Variants in OTULINL observed in about 807,000 individuals in gnomAD.
The protein encoded by OTULINL is inactive ubiquitin thioesterase OTULINL.
In OTULINL, 42 loss-of-function variants were observed where a neutral mutation model predicts 43.9. The observed-to-expected ratio is 0.96, with a 90% CI of 0.75 to 1.24. OTULINL has a LOEUF of 1.24. OTULINL is among the 50% of genes most tolerant of loss of function. The probability of loss-of-function intolerance (pLI) is 0.00; values close to 1 mark genes in which losing one functional copy is unlikely to be tolerated. For synonymous variants in OTULINL, 172 were observed against 153.6 expected (o/e 1.12, Z -0.88); for missense variants, 411 against 426.4 (o/e 0.96, Z 0.32).
intron 1 of OTULINL, among the ~76,000 whole-genome samples, chr5:14,599,832 CTT>C (rs1209017867): frequency 6.6e-6 from 1 of 152,186 alleles, no homozygotes; most frequent in Non-Finnish European, 1.5e-5. Flanking sequence ...TTAGTTTTCT[CTT>C]TTGTCAAATC....
intron 1 of OTULINL, among the ~76,000 whole-genome samples, chr5:14,589,232 G>T (rs1314097030): frequency 6.6e-6 from 1 of 152,184 alleles, no homozygotes; most frequent in Non-Finnish European, 1.5e-5. Context: ...GACACCGTGT[G>T]CTATGAGAGA....
Position 14,613,081 on chromosome 5 carries a change from CT to C in OTULINL, c.*2768del, listed in dbSNP as rs1400326239. ...GGGATTACAGGTGCCCACCACTACG[CT>C]CGACTAATTTTTTGTGTTTTTAGTA... On this transcript the variant is annotated 3_prime_UTR_variant, in exon 8 of 8. Transcript: ENST00000274217. 6.6e-6 allele frequency among the ~76,000 whole-genome samples: 1 copy of C among 152,156 alleles called. No individual in the cohort carries two copies. Among genetic ancestry groups the C allele is most frequent in the African/African-American group, 2.4e-5 (1 of 41,424 alleles).
Position 14,616,059 on chromosome 5 carries a change from T to C in OTULINL, c.*5745T>C, listed in dbSNP as rs1250132981. Among the ~76,000 whole-genome samples, 3 of 152,258 alleles carry C rather than the reference T, an allele frequency of 2.0e-5. No individual in the cohort carries two copies. Among genetic ancestry groups the C allele is most frequent in the Non-Finnish European group, 4.4e-5 (3 of 68,042 alleles). ...AATCCTTTGCAGGTTGGTAGTTTTA[T>C]AAATACGATAAAAATATAGCACCAA... On this transcript the variant is annotated 3_prime_UTR_variant, in exon 8 of 8. Coordinates refer to ENST00000274217, the MANE Select transcript of OTULINL (RefSeq NM_019018.3).
intron 1 of OTULINL, among the ~76,000 whole-genome samples, chr5:14,582,762 C>T (rs1312254821): frequency 7.0e-6 from 1 of 143,634 alleles, no homozygotes; most frequent in Non-Finnish European, 1.5e-5. Context: ...TTGCAGTGAG[C>T]CGAGATTGCA....
At chr5:14,597,648 CTAA>C (rs1417159963) in intron 1 of OTULINL, among the ~76,000 whole-genome samples, 11 of 152,238 alleles carry the variant, frequency 7.2e-5, no homozygotes, top group Non-Finnish European at 1.5e-5. Context: ...AGGCTCACTC[CTAA>C]TGTCATCAGT....
In OTULINL at chr5:14,611,287, G is replaced by A. The variant is rs1759577237; in HGVS notation, c.*973G>A. 6.6e-6 allele frequency: 1 copy of A among 152,236 alleles called. No individual in the cohort carries two copies. The highest frequency in any genetic ancestry group is 1.5e-5 in the Non-Finnish European group (1 of 68,052). 9.4% of individuals were successfully genotyped at this position (152,236 alleles called of 1,614,324 possible). A position where few individuals can be genotyped will look rare whatever the true frequency, so the allele number is the denominator to read the frequency against. ...AGGGAGATTTTTCTAGATTCTCCAG[G>A]TGGACGCAGTGTAATCAGAATGGTT... On this transcript the variant is annotated 3_prime_UTR_variant, in exon 8 of 8. Coordinates refer to ENST00000274217, the MANE Select transcript of OTULINL (RefSeq NM_019018.3).
intron 1 of OTULINL, among the ~76,000 whole-genome samples, chr5:14,583,047 AAC>A (rs1759042775): frequency 6.6e-6 from 1 of 152,172 alleles, no homozygotes; most frequent in African/African-American, 2.4e-5. Flanking sequence ...CCGTTTCCCA[AAC>A]ACACAGTTTG....
intron 1 of OTULINL, among the ~76,000 whole-genome samples, chr5:14,582,505 C>T (rs941724755): frequency 2.0e-5 from 3 of 151,878 alleles, no homozygotes; most frequent in African/African-American, 7.3e-5. Flanking sequence ...AAAAAATTCA[C>T]CCAGACGGGG....
chr5:14,607,547 T>A (rs1759504447), intron 6 of OTULINL, 89 bp downstream of exon 6: 1 of 1,508,448 alleles, frequency 6.6e-7, no homozygotes, highest in Non-Finnish European at 9.0e-7. Flanking sequence ...GGGACATTGC[T>A]TCATGTTAGG....
In OTULINL at chr5:14,615,856, T is replaced by C. The variant is rs1273095134; in HGVS notation, c.*5542T>C. ...TAGTAGTTGCAGTTGAGACCATTCC[T>C]CCTGTATGTCTTTACAAGCAAATTG... On this transcript the variant is annotated 3_prime_UTR_variant, in exon 8 of 8. Transcript: ENST00000274217. Among the ~76,000 whole-genome samples, 1 of 152,232 alleles carries C rather than the reference T, an allele frequency of 6.6e-6. No individual in the cohort carries two copies. Among genetic ancestry groups the C allele is most frequent in the Non-Finnish European group, 1.5e-5 (1 of 68,040 alleles).
rs1159876790 is a variant in OTULINL, at chr5:14,615,792, C to A, written c.*5478C>A. Among the ~76,000 whole-genome samples, 2 of 152,178 alleles carry A rather than the reference C, an allele frequency of 1.3e-5. No homozygotes were observed. Among genetic ancestry groups the A allele is most frequent in the Non-Finnish European group, 2.9e-5 (2 of 68,022 alleles). ...ATTTGGTGTGTATTTCACAGGGTAA[C>A]AATGAAGTGCTCCAATCTGCTTGTG... On this transcript the variant is annotated 3_prime_UTR_variant, in exon 8 of 8. Transcript: ENST00000274217.
Position 14,593,021 on chromosome 5 carries a change from G to A in OTULINL, c.65-7944G>A, listed in dbSNP as rs114154580. Among the ~76,000 whole-genome samples, 969 of 152,246 alleles carry A rather than the reference G, an allele frequency of 6.4e-3. 17 individuals are homozygous for A. The highest frequency in any genetic ancestry group is 0.022 in the African/African-American group (903 of 41,532). On this transcript the variant is annotated intron_variant, in intron 1 of 7. Coordinates refer to ENST00000274217, the MANE Select transcript of OTULINL (RefSeq NM_019018.3). ...GACCTGCATTCCTTTCCTCTGGAGC[G>A]TTGCCTCAGTGGTGCTCTGTTCCCA... is the stretch of plus-strand genomic sequence containing the variant.
rs938878570 is a variant in OTULINL, at chr5:14,611,796, A to G, written c.*1482A>G. 3.3e-5 allele frequency: 5 copies of G among 152,206 alleles called. No individual in the cohort carries two copies. Among genetic ancestry groups the G allele is most frequent in the African/African-American group, 1.2e-4 (5 of 41,446 alleles). The allele number at this position is 152,206 out of a possible 1,614,324, so 9.4% of individuals were successfully genotyped here. A position where few individuals can be genotyped will look rare whatever the true frequency, so the allele number is the denominator to read the frequency against. On this transcript the variant is annotated 3_prime_UTR_variant, in exon 8 of 8. Coordinates refer to ENST00000274217, the MANE Select transcript of OTULINL (RefSeq NM_019018.3). ...TCTTGCTAATTATATATTACTTCAA[A>G]GTCACAAATCCCTTTCTAAGAATGA... is the stretch of plus-strand genomic sequence containing the variant.
chr5:14,596,451 T>C (rs1018040362), intron 1 of OTULINL, among the ~76,000 whole-genome samples: 1 of 152,234 alleles, frequency 6.6e-6, no homozygotes, highest in Non-Finnish European at 1.5e-5. Context: ...AGAACTGTCA[T>C]TATGACACTG....
At position 14,611,751 on chromosome 5, in the gene OTULINL, C is replaced by A. The variant is rs1460048357; in HGVS notation, c.*1437C>A. On this transcript the variant is annotated 3_prime_UTR_variant, in exon 8 of 8. Coordinates refer to ENST00000274217, the MANE Select transcript of OTULINL (RefSeq NM_019018.3). ...TGCTAGTCTGTTTTGAGTTTCAGTA[C>A]ATAAGAATAATTTTTAAAATCTTGC... The A allele has an allele frequency of 6.6e-6, 1 of 151,846 alleles. No homozygotes were observed. The highest frequency in any genetic ancestry group is 1.5e-5 in the Non-Finnish European group (1 of 67,968). 9.4% of individuals were successfully genotyped at this position (151,846 alleles called of 1,614,324 possible).
intron 1 of OTULINL, among the ~76,000 whole-genome samples, chr5:14,593,080 A>G (rs1759232154): frequency 6.6e-6 from 1 of 152,196 alleles, no homozygotes; most frequent in African/African-American, 2.4e-5. Flanking sequence ...TGCCAGGAGA[A>G]TCCAGTCGGT....
rs745535313 is a variant in OTULINL, at chr5:14,601,070, C to T, written c.170C>T (p.Ala57Val). 3.7e-6 allele frequency: 6 copies of T among 1,613,264 alleles called. No homozygotes were observed. The African/African-American group carries it at 5.4e-5, about 14-fold the overall frequency. The change falls in exon 2 of 8, where the codon GCT (alanine) becomes GTT (valine). Residue 57 changes from alanine to valine, a missense_variant. Physicochemically the swap from Ala to Val is moderately conservative, Grantham distance 64 (BLOSUM62 0). Coordinates refer to ENST00000274217, the MANE Select transcript of OTULINL (RefSeq NM_019018.3). ...FVMLAVSFLV[A>V]AICYFRRLHL... ...ATGTTGGCAGTTTCATTTCTGGTGG[C>T]TGCCATCTGCTACTTCCGGAGGCTA...
At chr5:14,591,406 C>G (rs1759199173) in intron 1 of OTULINL, among the ~76,000 whole-genome samples, 1 of 152,204 alleles carries the variant, frequency 6.6e-6, no homozygotes. Context: ...AAGCTGAACT[C>G]CATCCTAAAG....
intron 1 of OTULINL, among the ~76,000 whole-genome samples, chr5:14,592,662 C>G (rs1473014388): frequency 6.6e-6 from 1 of 152,184 alleles, no homozygotes; most frequent in African/African-American, 2.4e-5. Flanking sequence ...AGAATTCTGC[C>G]TTTAGCCCAA....
Sources: gnomAD v4.1 joint callset for allele counts (sites outside exome capture counted in the v4.1 genomes callset) on GRCh38, gnomAD v4.1.1 for gene constraint, MANE v1.5 for transcripts, NCBI Gene and HGNC (gene_info 2026-07-23, HGNC 2026-07-21) for gene names.